HIVEP3: variants seen among roughly 807,000 people sequenced by gnomAD.
HIVEP3 encodes the protein HIVEP zinc finger 3.
Under a neutral mutation model 152.8 loss-of-function variants are expected in HIVEP3, and 49 were observed. The ratio of observed to expected loss-of-function variants is 0.32; its 90% CI spans 0.26 to 0.41. HIVEP3 has a LOEUF of 0.41. Among genes scored for constraint, HIVEP3 ranks in the 10% least tolerant of loss-of-function variants. The pLI is 1.00. For synonymous variants in HIVEP3, 1,269 were observed against 1,289.0 expected, an observed-to-expected ratio of 0.98 and a Z score of 0.33; for missense variants, 2,790 against 3,103.3, an observed-to-expected ratio of 0.90 and a Z score of 2.40.
At chr1:41,589,289 G>A (rs545910994) in intron 3 of HIVEP3, among the ~76,000 whole-genome samples, 37 of 152,330 alleles carry the variant, frequency 2.4e-4, no homozygotes, top group African/African-American at 8.4e-4. Flanking sequence ...GAGAGCTCTC[G>A]CTCAGAGACC....
intron 1 of HIVEP3, among the ~76,000 whole-genome samples, chr1:41,730,945 A>G (rs1167097880): frequency 6.6e-6 from 1 of 152,204 alleles, no homozygotes; most frequent in Non-Finnish European, 1.5e-5. Flanking sequence ...CAACTCCCAC[A>G]GCCAGATCAC....
Position 41,664,134 on chromosome 1 carries a change from A to C in HIVEP3, c.-720-35187T>G, listed in dbSNP as rs1469735320. Among the ~76,000 whole-genome samples, 1 of 152,150 alleles carries C rather than the reference A, an allele frequency of 6.6e-6. No homozygotes were observed. The highest frequency in any genetic ancestry group is 1.5e-5 in the Non-Finnish European group (1 of 68,014). Reference sequence around the variant, plus strand: ...CAGCTGTCCTTCACACCCTGAATCCAAGCCTGCCCTTGATACAGGTCCTTC... The same window carrying C: ...CAGCTGTCCTTCACACCCTGAATCCCAGCCTGCCCTTGATACAGGTCCTTC... On this transcript the variant is annotated intron_variant, in intron 2 of 8. Coordinates refer to ENST00000372583, the MANE Select transcript of HIVEP3 (RefSeq NM_024503.5). This position sits in a 1 kb window ranked among gnomAD's most constrained non-coding sequence, Gnocchi z 4.4.
intron 8 of HIVEP3, among the ~76,000 whole-genome samples, chr1:41,512,085 TG>T (rs1642440692): frequency 6.6e-6 from 1 of 151,744 alleles, no homozygotes; most frequent in Non-Finnish European, 1.5e-5. Context: ...GGGGATGGGG[TG>T]GGGGATGGGG....
chr1:41,950,018 C>T (rs953851455), intron 1 of HIVEP3, among the ~76,000 whole-genome samples: 4 of 152,114 alleles, frequency 2.6e-5, no homozygotes, highest in Admixed American at 2.6e-4. Context: ...ATTTCCTAGG[C>T]TGACTAAGAA....
upstream of HIVEP3, among the ~76,000 whole-genome samples, chr1:41,919,259 C>G (rs999799881): frequency 1.3e-4 from 20 of 152,132 alleles, no homozygotes; most frequent in African/African-American, 4.6e-4. Context: ...TCTGAACACC[C>G]ATGTTCACGG....
At chr1:41,605,862 T>C (rs1644816318) in intron 3 of HIVEP3, among the ~76,000 whole-genome samples, 2 of 152,212 alleles carry the variant, frequency 1.3e-5, no homozygotes, top group African/African-American at 2.4e-5. Flanking sequence ...AGCTTTCAGA[T>C]TTGTTTATTT....
intron 1 of HIVEP3, among the ~76,000 whole-genome samples, chr1:41,718,280 T>A (rs1570388371): frequency 6.6e-6 from 1 of 152,220 alleles, no homozygotes; most frequent in Admixed American, 6.5e-5. Context: ...GCAATGGGGA[T>A]GAATACAGGC....
At chr1:41,862,304 C>G (rs1643897861) in intron 1 of HIVEP3, among the ~76,000 whole-genome samples, 1 of 152,196 alleles carries the variant, frequency 6.6e-6, no homozygotes, top group Non-Finnish European at 1.5e-5. Flanking sequence ...TCCGTTGATG[C>G]TCCCCTAACA....
chr1:41,878,186 T>C (rs1157865733), intron 1 of HIVEP3, among the ~76,000 whole-genome samples: 1 of 152,198 alleles, frequency 6.6e-6, no homozygotes, highest in Non-Finnish European at 1.5e-5. Flanking sequence ...CATCTAGCAA[T>C]CCACAAATAC....
chr1:41,727,821 G>A (rs1376145970), intron 1 of HIVEP3, among the ~76,000 whole-genome samples: 1 of 152,190 alleles, frequency 6.6e-6, no homozygotes, highest in Non-Finnish European at 1.5e-5. Context: ...GGTCATTCTG[G>A]GACATTTATT....
chr1:41,724,686 T>C (rs1427084123), intron 1 of HIVEP3, among the ~76,000 whole-genome samples: 2 of 152,122 alleles, frequency 1.3e-5, no homozygotes, highest in Non-Finnish European at 2.9e-5. Flanking sequence ...GCTGATACCA[T>C]GGAAAAAACT....
At chr1:41,586,437 T>C (rs1189684532) in intron 3 of HIVEP3, among the ~76,000 whole-genome samples, 1 of 152,170 alleles carries the variant, frequency 6.6e-6, no homozygotes, top group Non-Finnish European at 1.5e-5. Flanking sequence ...AGGCCTCCCA[T>C]GGCCAGAGTT....
At chr1:41,984,164 G>A (rs1251973228) in intron 1 of HIVEP3, among the ~76,000 whole-genome samples, 2 of 152,068 alleles carry the variant, frequency 1.3e-5, no homozygotes, top group African/African-American at 4.8e-5. Context: ...GTAGATACAG[G>A]GTCTTGCTAT....
chr1:41,536,995 A>C (rs2149066298), intron 5 of HIVEP3, among the ~76,000 whole-genome samples: 1 of 152,308 alleles, frequency 6.6e-6, no homozygotes, highest in East Asian at 1.9e-4. Context: ...GTCAAATAAA[A>C]TACAAGAGGC....
At chr1:42,007,952 C>G (rs949985290) in intron 1 of HIVEP3, among the ~76,000 whole-genome samples, 6 of 152,184 alleles carry the variant, frequency 3.9e-5, no homozygotes, top group African/African-American at 1.2e-4. Context: ...CTCGAATGCA[C>G]TTACATCTTT....
At chr1:41,687,637 G>T (rs988637883) in intron 2 of HIVEP3, among the ~76,000 whole-genome samples, 1 of 152,232 alleles carries the variant, frequency 6.6e-6, no homozygotes, top group African/African-American at 2.4e-5. Context: ...GGTGCACGGC[G>T]ATGCTGGGAG....
chr1:41,514,268 C>T (rs943070451), intron 7 of HIVEP3, among the ~76,000 whole-genome samples: 1 of 152,216 alleles, frequency 6.6e-6, no homozygotes. Flanking sequence ...GTGATGGTCT[C>T]ACCTCACCAG....
At chr1:41,729,498 C>T (rs1646806598) in intron 1 of HIVEP3, among the ~76,000 whole-genome samples, 1 of 152,250 alleles carries the variant, frequency 6.6e-6, no homozygotes, top group Non-Finnish European at 1.5e-5. Flanking sequence ...TTGCTGTTGG[C>T]AAAGGGCCTG....
At chr1:41,646,574 T>C (rs902698813) in intron 2 of HIVEP3, among the ~76,000 whole-genome samples, 1 of 152,134 alleles carries the variant, frequency 6.6e-6, no homozygotes, top group African/African-American at 2.4e-5. Flanking sequence ...ATGACCACTT[T>C]CTTACTTGCA....
Sources: gnomAD v4.1 joint callset for allele counts (sites outside exome capture counted in the v4.1 genomes callset) on GRCh38, gnomAD v4.1.1 for gene constraint, Gnocchi (gnomAD v3.1) non-coding constraint, MANE v1.5 for transcripts, NCBI Gene and HGNC (gene_info 2026-07-23, HGNC 2026-07-21) for gene names.